Variants in CFAP20DC observed in about 807,000 individuals in gnomAD.
CFAP20DC encodes the protein protein CFAP20DC.
In CFAP20DC, 84 loss-of-function variants were observed where a neutral mutation model predicts 101.7. The ratio of observed to expected loss-of-function variants is 0.83; its 90% CI spans 0.69 to 0.99. The LOEUF is 0.99. Among genes scored for constraint, CFAP20DC ranks in the 50% least tolerant of loss-of-function variants. The probability of loss-of-function intolerance (pLI) is 0.00; values close to 1 mark genes in which losing one functional copy is unlikely to be tolerated. For synonymous variants in CFAP20DC, 359 were observed against 351.2 expected (o/e 1.02, Z -0.25); for missense variants, 1,007 against 970.3 (o/e 1.04, Z -0.50).
Position 58,732,601 on chromosome 3 carries a change from C to T in CFAP20DC, c.198-14973G>A, listed in dbSNP as rs2067666363. 6.6e-6 allele frequency among the ~76,000 whole-genome samples: 1 copy of T among 152,078 alleles called. No individual in the cohort carries two copies. The highest frequency in any genetic ancestry group is 1.5e-5 in the Non-Finnish European group (1 of 68,024). On this transcript the variant is annotated intron_variant, in intron 3 of 3. Coordinates refer to the CFAP20DC transcript ENST00000486145. This position sits in a 1 kb window ranked among gnomAD's most constrained non-coding sequence, Gnocchi z 5.4. ...CTCAGTATTGAAAATGGAAATAAAA[C>T]CGAATGGTGCTAGAATTAGTAGGAG...
chr3:58,850,352 C>A (rs2078110196), intron 12 of CFAP20DC, among the ~76,000 whole-genome samples: 1 of 151,952 alleles, frequency 6.6e-6, no homozygotes, highest in African/African-American at 2.4e-5. Context: ...TTTCAGAGGC[C>A]AAGGCAGGTG....
At chr3:58,725,866 T>C in intron 3 of CFAP20DC, 1 of 187,968 alleles carries the variant, frequency 5.3e-6, no homozygotes. Flanking sequence ...TTTTATTTTT[T>C]TGGGGCTGAG....
chr3:58,851,840 T>C (rs1024986892), intron 12 of CFAP20DC, among the ~76,000 whole-genome samples: 2 of 152,158 alleles, frequency 1.3e-5, no homozygotes, highest in Non-Finnish European at 1.5e-5. Context: ...TACCTAATGA[T>C]TTCCCAACAA....
intron 4 of CFAP20DC, chr3:59,017,947 G>A (rs2093724082): frequency 6.6e-6 from 1 of 152,092 alleles, no homozygotes. Flanking sequence ...GCCCAGTCTA[G>A]CATCCCAAAC....
chr3:58,840,264 T>C (rs190881765), intron 13 of CFAP20DC, among the ~76,000 whole-genome samples: 1 of 152,240 alleles, frequency 6.6e-6, no homozygotes, highest in Non-Finnish European at 1.5e-5. Flanking sequence ...TATCAGACTG[T>C]TTTCCAAAAG....
chr3:59,032,842 G>A (rs933510684), intron 4 of CFAP20DC, among the ~76,000 whole-genome samples: 5 of 152,160 alleles, frequency 3.3e-5, no homozygotes, highest in African/African-American at 1.2e-4. Context: ...CAGCACTCGA[G>A]CTCTGCTAAG....
chr3:58,796,071 T>C (rs764125977), intron 15 of CFAP20DC, among the ~76,000 whole-genome samples: 1 of 152,134 alleles, frequency 6.6e-6, no homozygotes, highest in Admixed American at 6.5e-5. Context: ...TGATGGCTAG[T>C]TGGTGCCCGG....
At chr3:58,997,840 G>A (rs894178751) in intron 4 of CFAP20DC, among the ~76,000 whole-genome samples, 1 of 152,304 alleles carries the variant, frequency 6.6e-6, no homozygotes, top group East Asian at 1.9e-4. Flanking sequence ...ACTCTCGATA[G>A]CAATGTACAG....
intron 11 of CFAP20DC, 69 bp downstream of exon 11, chr3:58,866,497 G>A: frequency 5.3e-6 from 7 of 1,315,598 alleles, no homozygotes; most frequent in Non-Finnish European, 6.2e-6. Context: ...AAAATGACTG[G>A]ATTTGAAATA....
intron 15 of CFAP20DC, among the ~76,000 whole-genome samples, chr3:58,781,200 G>T (rs2071794574): frequency 6.6e-6 from 1 of 151,068 alleles, no homozygotes; most frequent in Non-Finnish European, 1.5e-5. Flanking sequence ...CTGGATCAAA[G>T]AAAAAGTTAC....
At chr3:59,039,364 T>C (rs924414324) in intron 4 of CFAP20DC, among the ~76,000 whole-genome samples, 193 bp downstream of exon 4, 1 of 152,070 alleles carries the variant, frequency 6.6e-6, no homozygotes, top group Non-Finnish European at 1.5e-5. Context: ...TTTCTTTTCC[T>C]AGGGAAATGC....
At chr3:58,928,546 A>T (rs1053349371) in intron 5 of CFAP20DC, among the ~76,000 whole-genome samples, 4 of 152,196 alleles carry the variant, frequency 2.6e-5, no homozygotes, top group African/African-American at 9.6e-5. Flanking sequence ...TCACAAAACT[A>T]GTAAGTATCA....
At chr3:58,855,525 G>T (rs2078699083) in intron 12 of CFAP20DC, among the ~76,000 whole-genome samples, 1 of 152,048 alleles carries the variant, frequency 6.6e-6, no homozygotes, top group South Asian at 2.1e-4. Flanking sequence ...CTGCTATAAA[G>T]ACACGTGCAC....
intron 15 of CFAP20DC, among the ~76,000 whole-genome samples, chr3:58,783,896 T>C (rs1445361402): frequency 6.6e-6 from 1 of 152,126 alleles, no homozygotes; most frequent in Non-Finnish European, 1.5e-5. Flanking sequence ...ATGTGCAGAT[T>C]TGTTATGTGG....
intron 4 of CFAP20DC, among the ~76,000 whole-genome samples, chr3:58,949,740 A>AT (rs1197612876): frequency 6.6e-6 from 1 of 152,222 alleles, no homozygotes; most frequent in Non-Finnish European, 1.5e-5. Context: ...AAAACTCTCA[A>AT]TAAAAAATTA....
intron 4 of CFAP20DC, among the ~76,000 whole-genome samples, chr3:59,011,660 C>T (rs1032785834): frequency 6.6e-6 from 1 of 152,024 alleles, no homozygotes; most frequent in African/African-American, 2.4e-5. Context: ...AAAGATAAGT[C>T]TCTTTGAAAA....
At chr3:58,986,121 A>G (rs1218563415) in intron 4 of CFAP20DC, among the ~76,000 whole-genome samples, 1 of 152,210 alleles carries the variant, frequency 6.6e-6, no homozygotes, top group African/African-American at 2.4e-5. Flanking sequence ...CTACAAATAC[A>G]TAGTCTGCGA....
intron 14 of CFAP20DC, among the ~76,000 whole-genome samples, chr3:58,821,527 A>G (rs1206783162): frequency 6.6e-6 from 1 of 151,552 alleles, no homozygotes; most frequent in Non-Finnish European, 1.5e-5. Context: ...TTATGCAGCC[A>G]AAAAACACAT....
At chr3:58,854,159 A>C (rs2078532666) in intron 12 of CFAP20DC, among the ~76,000 whole-genome samples, 1 of 152,104 alleles carries the variant, frequency 6.6e-6, no homozygotes, top group Non-Finnish European at 1.5e-5. Context: ...AAATCAATGT[A>C]CAAAAATCAC....
Sources: allele counts gnomAD v4.1 joint callset (sites outside exome capture counted in the v4.1 genomes callset), GRCh38; gene constraint gnomAD v4.1.1; non-coding constraint Gnocchi (gnomAD v3.1); transcripts MANE v1.5; gene names NCBI Gene and HGNC (gene_info 2026-07-23, HGNC 2026-07-21).